PELP1: variants seen among roughly 807,000 people sequenced by gnomAD.
The protein encoded by PELP1 is proline, glutamate and leucine rich protein 1, also known as proline-, glutamic acid- and leucine-rich protein 1.
In PELP1, 32 loss-of-function variants were observed where a neutral mutation model predicts 95.5. That is an observed-to-expected ratio of 0.34 (90% CI 0.25 to 0.45). The LOEUF is 0.45. PELP1 is among the 20% of genes least tolerant of loss of function. The pLI, the probability that PELP1 is intolerant of heterozygous loss-of-function variation, is 1.00. For missense variants in PELP1, 1,358 were observed against 1,444.8 expected (o/e 0.94, Z 0.97); for synonymous variants, 668 against 600.1 (o/e 1.11, Z -1.65).
rs779653664 is a variant in PELP1 at position 4,673,305 on chromosome 17, G to A, written c.1790C>T (p.Pro597Leu). Residue 597 changes from proline to leucine, a missense_variant, in exon 15 of 17, where the codon CCT (proline) becomes CTT (leucine). By Grantham distance (98) the Pro-to-Leu change is moderately conservative. This residue lies in a region of PELP1 where 538 missense variants were observed against 628.1 expected (regional missense o/e 0.86). Coordinates refer to ENST00000572293, the MANE Select transcript of PELP1 (RefSeq NM_014389.3). The surrounding 1 kb of genome is among the most constrained non-coding windows in gnomAD (Gnocchi z 5.7). ...LLAPSPRCPPPLACALQAFSL... is the reference protein window; with the variant it reads ...LLAPSPRCPPLLACALQAFSL... ...GAAGGCTTGCAGGGCACAGGCAAGA[G>A]GAGGTGGGCAGCGAGGAGACGGGGC... is the stretch of plus-strand genomic sequence containing the variant. The A allele has an allele frequency of 6.3e-7, 1 of 1,585,582 alleles. No individual in the cohort carries two copies. Among genetic ancestry groups the A allele is most frequent in the Non-Finnish European group, 8.6e-7 (1 of 1,165,776 alleles).
At chr17:4,696,366 G>C (rs986677754) in intron 1 of PELP1, among the ~76,000 whole-genome samples, 3 of 152,182 alleles carry the variant, frequency 2.0e-5, no homozygotes, top group African/African-American at 7.2e-5. Context: ...AAGACTATGA[G>C]ATGAGAGCAT....
At chr17:4,698,369 C>T (rs1036284132) in intron 1 of PELP1, among the ~76,000 whole-genome samples, 1 of 151,614 alleles carries the variant, frequency 6.6e-6, no homozygotes, top group Non-Finnish European at 1.5e-5. Flanking sequence ...AAGCTGGGCG[C>T]GGTGGCTCAC....
Position 4,672,176 on chromosome 17 carries a change from C to T in PELP1, c.2815G>A (p.Glu939Lys). 7 of 1,552,190 alleles carry T rather than the reference C, an allele frequency of 4.5e-6. No homozygotes were observed. The highest frequency in any genetic ancestry group is 6.1e-6 in the Non-Finnish European group (7 of 1,147,266). ...TCTTCTTCTTCCTCTAACTCACCTTCTTCTTCCTCAAATTCTTCCTCAAAC... is the reference window on the plus strand; with the variant it reads ...TCTTCTTCTTCCTCTAACTCACCTTTTTCTTCCTCAAATTCTTCCTCAAAC... The part of the protein sequence containing the change: ...EEFEEEFEEE[E>K]GELEEEEEEE... Residue 939 changes from glutamate (E) to lysine (K), a missense_variant, in exon 16 of 17, where the codon GAA becomes AAA. Glu to Lys is a moderately conservative substitution (Grantham distance 56). Around this residue, in one of 7 missense-constraint regions of PELP1, gnomAD observed 283 missense variants for 284.1 expected, o/e 1.00. Transcript: ENST00000572293.
At chr17:4,702,213 C>CT (rs1298191418) in intron 1 of PELP1, among the ~76,000 whole-genome samples, 1 of 152,116 alleles carries the variant, frequency 6.6e-6, no homozygotes, top group Admixed American at 6.6e-5. Context: ...GAACTCGGGA[C>CT]TTTGAGACCA....
chr17:4,672,014 G>C lies in PELP1; in HGVS notation c.2977C>G (p.Pro993Ala). 6.4e-7 allele frequency: 1 copy of C among 1,573,390 alleles called. No homozygotes were observed. Among genetic ancestry groups the C allele is most frequent in the South Asian group, 1.2e-5 (1 of 82,514 alleles). ...GGTTCGGGTTCTGGCTGCACCTTTG[G>C]GGGAGACTCAGGGGGAGGCAGAGCT... Reference protein sequence around the residue: ...PPALPPPESPPKVQPEPEPEP... With the variant: ...PPALPPPESPAKVQPEPEPEP... Residue 993 changes from proline (P) to alanine (A), a missense_variant, in exon 16 of 17, where the codon CCA becomes GCA. Around this residue, in one of 7 missense-constraint regions of PELP1, gnomAD observed 283 missense variants for 284.1 expected, o/e 1.00. Transcript: ENST00000572293.
intron 1 of PELP1, among the ~76,000 whole-genome samples, chr17:4,693,432 A>C (rs1913184603): frequency 6.6e-6 from 1 of 152,226 alleles, no homozygotes; most frequent in Admixed American, 6.5e-5. Flanking sequence ...TTTTTTTCCT[A>C]TACATACAAG....
At position 4,675,370 on chromosome 17, in the gene PELP1, A is replaced by G; in HGVS notation, c.1069-8T>C. 1 of 1,462,184 alleles carries G rather than the reference A, an allele frequency of 6.8e-7. No homozygotes were observed. Among genetic ancestry groups the G allele is most frequent in the Non-Finnish European group, 9.4e-7 (1 of 1,067,092 alleles). The allele number at this position is 1,462,184 out of a possible 1,614,324, so 90.6% of individuals were successfully genotyped here. ...ACCATCTCCATGCAAGCTCTGGAGA[A>G]AAAAGGGGCAGAGATAAAGAGTGGA... On this transcript the variant is annotated splice_polypyrimidine_tract_variant and splice_region_variant and intron_variant, in intron 9 of 16. Transcript: ENST00000572293. The surrounding 1 kb of genome is among the most constrained non-coding windows in gnomAD (Gnocchi z 4.3).
chr17:4,680,916 A>G (rs1190924513), intron 5 of PELP1, among the ~76,000 whole-genome samples: 1 of 152,204 alleles, frequency 6.6e-6, no homozygotes, highest in Non-Finnish European at 1.5e-5. Context: ...TAAACCATTC[A>G]TGTTTGTTAT....
At position 4,676,671 on chromosome 17, in the gene PELP1, G is replaced by A. The variant is rs1283029584; in HGVS notation, c.702+82C>T. On this transcript the variant is annotated intron_variant, in intron 6 of 16. Coordinates refer to ENST00000572293, the MANE Select transcript of PELP1 (RefSeq NM_014389.3). Reference sequence around the variant, plus strand: ...GACACAGATGGGCATATGAAGGCAGGACAGAAAAGCTAGAGGAGGAGCAGC... The same window carrying A: ...GACACAGATGGGCATATGAAGGCAGAACAGAAAAGCTAGAGGAGGAGCAGC... The A allele has an allele frequency of 2.8e-6, 4 of 1,405,944 alleles. No individual in the cohort carries two copies. In the Admixed American group the frequency reaches 8.1e-5, roughly 28 times the overall value. The allele number at this position is 1,405,944 out of a possible 1,614,324, so 87.1% of individuals were successfully genotyped here.
chr17:4,683,298 G>A (rs897205363), intron 3 of PELP1, among the ~76,000 whole-genome samples: 14 of 149,368 alleles, frequency 9.4e-5, no homozygotes, highest in African/African-American at 3.0e-4. Flanking sequence ...TCGGCTCACT[G>A]CAAGCTCCGC....
At chr17:4,687,872 A>G (rs1567665883) in intron 3 of PELP1, among the ~76,000 whole-genome samples, 1 of 152,192 alleles carries the variant, frequency 6.6e-6, no homozygotes, top group East Asian at 1.9e-4. Context: ...TAAAACGTTA[A>G]AAGAGCAACA....
intron 1 of PELP1, chr17:4,696,688 C>G (rs1158958298): frequency 6.6e-6 from 1 of 151,964 alleles, no homozygotes; most frequent in Non-Finnish European, 1.5e-5. Flanking sequence ...CTGTAATATT[C>G]CAGACAAATG....
chr17:4,676,541 G>A (rs767809358), intron 6 of PELP1, 34 bp from the exon 7 acceptor site: 13 of 1,610,508 alleles, frequency 8.1e-6, no homozygotes, highest in Middle Eastern at 1.7e-4. Context: ...TGGTCAGATG[G>A]GAATCCAGCC....
At chr17:4,701,403 G>A (rs186795698) in intron 1 of PELP1, among the ~76,000 whole-genome samples, 1 of 152,268 alleles carries the variant, frequency 6.6e-6, no homozygotes, top group East Asian at 1.9e-4. Flanking sequence ...AACACCCAGA[G>A]GCTGAAGGAT....
chr17:4,677,158 C>A (rs1390015802), intron 5 of PELP1, among the ~76,000 whole-genome samples: 1 of 152,138 alleles, frequency 6.6e-6, no homozygotes, highest in Non-Finnish European at 1.5e-5. Context: ...AACTCTCTAC[C>A]AGCTCACACA....
intron 3 of PELP1, among the ~76,000 whole-genome samples, chr17:4,685,312 G>C (rs1015980108): frequency 6.6e-6 from 1 of 152,052 alleles, no homozygotes; most frequent in African/African-American, 2.4e-5. Flanking sequence ...GGCCCCCCCA[G>C]CCCGCAATCC....
At position 4,674,817 on chromosome 17, in the gene PELP1, C is replaced by A; in HGVS notation, c.1414G>T (p.Ala472Ser). ...LLSDISPPAD[A>S]LKLRSPRGSP... ...AGCTGAGGCCTCCTCACCTTAAGGG[C>A]ATCAGCTGGCGGGGAGATGTCGCTG... Residue 472 changes from alanine to serine, a missense_variant, in exon 12 of 17, where the codon GCC becomes TCC. By Grantham distance (99) the Ala-to-Ser change is moderately conservative. Coordinates refer to ENST00000572293, the MANE Select transcript of PELP1 (RefSeq NM_014389.3). The A allele has an allele frequency of 6.2e-7, 1 of 1,611,696 alleles. No individual in the cohort carries two copies. Among genetic ancestry groups the A allele is most frequent in the Non-Finnish European group, 8.5e-7 (1 of 1,178,778 alleles).
chr17:4,672,607 A>C lies in PELP1; in HGVS notation c.2384T>G (p.Leu795Arg). The change falls in exon 16 of 17, where the codon CTT becomes CGT. Residue 795 changes from leucine (L) to arginine (R), a missense_variant. Coordinates refer to ENST00000572293, the MANE Select transcript of PELP1 (RefSeq NM_014389.3). ...GGGTGGTGGGGGTGGCAGGGGGGGA[A>C]GCCCCTCGGGCACGATCACCACGCT... is the stretch of plus-strand genomic sequence containing the variant. The part of the protein sequence containing the change: ...DDSVVIVPEG[L>R]PPLPPPPPSG... The C allele has an allele frequency of 1.2e-6, 2 of 1,603,692 alleles. No individual in the cohort carries two copies. Among genetic ancestry groups the C allele is most frequent in the Non-Finnish European group, 1.7e-6 (2 of 1,173,024 alleles).
chr17:4,690,449 C>T (rs1013366489), intron 3 of PELP1, among the ~76,000 whole-genome samples: 3 of 151,958 alleles, frequency 2.0e-5, no homozygotes, highest in South Asian at 2.1e-4. Flanking sequence ...AGGCTGGGCA[C>T]AGTGCCTCAC....
Sources: gnomAD v4.1 joint callset for allele counts (sites outside exome capture counted in the v4.1 genomes callset) on GRCh38, gnomAD v4.1.1 for gene constraint, gnomAD v4.1.1 regional missense constraint, Gnocchi (gnomAD v3.1) non-coding constraint, MANE v1.5 for transcripts, NCBI Gene and HGNC (gene_info 2026-07-23, HGNC 2026-07-21) for gene names.